The following SLC24A4 variants were observed in gnomAD, a reference collection of about 807,000 sequenced individuals.
SLC24A4 encodes sodium/potassium/calcium exchanger 4.
SLC24A4 carries 53 observed loss-of-function variants against 79.0 expected under a neutral mutation model. The ratio of observed to expected loss-of-function variants is 0.67; its 90% confidence interval spans 0.54 to 0.84. SLC24A4 has a LOEUF of 0.84. Ranked by LOEUF, SLC24A4 falls within the 40% of genes least tolerant of loss-of-function variation. The probability of loss-of-function intolerance (pLI) is 0.00; values close to 1 mark genes in which losing one functional copy is unlikely to be tolerated. For synonymous variants in SLC24A4, 323 were observed against 323.8 expected, an observed-to-expected ratio of 1.00 and a Z score of 0.03; for missense variants, 731 against 822.0, an observed-to-expected ratio of 0.89 and a Z score of 1.35.
At chr14:92,489,510 T>C (rs1295313078) in intron 14 of SLC24A4, among the ~76,000 whole-genome samples, 1 of 152,114 alleles carries the variant, frequency 6.6e-6, no homozygotes, top group Non-Finnish European at 1.5e-5. Context: ...CAGGAGGCTG[T>C]GCAGCACGTG....
intron 2 of SLC24A4, among the ~76,000 whole-genome samples, chr14:92,350,560 G>T (rs1182316530): frequency 1.3e-5 from 2 of 152,146 alleles, no homozygotes; most frequent in Non-Finnish European, 2.9e-5. Context: ...ATCATCTGAG[G>T]GTGGGGATGA....
At chr14:92,487,916 C>A (rs1370072487) in intron 14 of SLC24A4, among the ~76,000 whole-genome samples, 1 of 152,070 alleles carries the variant, frequency 6.6e-6, no homozygotes, top group Non-Finnish European at 1.5e-5. Flanking sequence ...ACTCCAATCT[C>A]TGCCTCTGCC....
chr14:92,408,162 C>T (rs992325327), intron 2 of SLC24A4, among the ~76,000 whole-genome samples: 1 of 85,802 alleles, frequency 1.2e-5, no homozygotes, highest in Non-Finnish European at 2.4e-5. Flanking sequence ...CTTGTTGCTA[C>T]AGCAGTGTGT....
chr14:92,335,917 C>T (rs1045156094), intron 2 of SLC24A4, among the ~76,000 whole-genome samples: 2 of 152,152 alleles, frequency 1.3e-5, no homozygotes, highest in East Asian at 1.9e-4. Context: ...CAGAGAATGC[C>T]CTGTCCACGG....
At chr14:92,378,342 T>G (rs998175779) in intron 2 of SLC24A4, among the ~76,000 whole-genome samples, 1 of 152,188 alleles carries the variant, frequency 6.6e-6, no homozygotes, top group African/African-American at 2.4e-5. Context: ...CCTGCCATAT[T>G]TCATAGACAG....
chr14:92,482,788 T>A lies in SLC24A4; in HGVS notation c.1364T>A (p.Val455Asp), dbSNP rs1895132938. Residue 455 changes from valine (V) to aspartate (D), a missense_variant, in exon 13 of 17, where the codon GTC becomes GAC. By Grantham distance (152) the Val-to-Asp change is radical. Transcript: ENST00000532405. ...CCCCGCTGGGAGAAGTTCTTCATGG[T>A]CACCTTCATCACCGCCACGCTGTGG... ...SKPRWEKFFMVTFITATLWIA... is the reference protein window; with the variant it reads ...SKPRWEKFFMDTFITATLWIA... The A allele has an allele frequency of 1.2e-6, 2 of 1,614,114 alleles. No individual in the cohort carries two copies. The highest frequency in any genetic ancestry group is 4.5e-5 in the East Asian group (2 of 44,876).
chr14:92,451,157 A>T (rs974656089), intron 10 of SLC24A4: 1 of 152,322 alleles, frequency 6.6e-6, no homozygotes, highest in African/African-American at 2.4e-5. Context: ...GATAAGGGCC[A>T]AGGGAGAAAA....
chr14:92,413,286 C>G (rs945336764), intron 2 of SLC24A4, among the ~76,000 whole-genome samples: 8 of 152,198 alleles, frequency 5.3e-5, no homozygotes, highest in African/African-American at 1.4e-4. Flanking sequence ...GGCCTTCCCA[C>G]CTCCCAGAAC....
chr14:92,369,418 A>G (rs1888024800), intron 2 of SLC24A4, among the ~76,000 whole-genome samples: 1 of 152,180 alleles, frequency 6.6e-6, no homozygotes, highest in South Asian at 2.1e-4. Context: ...TCTACAAGAA[A>G]CTGGCCTGGA....
chr14:92,384,562 A>G (rs1345908845), intron 2 of SLC24A4, among the ~76,000 whole-genome samples: 3 of 152,142 alleles, frequency 2.0e-5, no homozygotes. Context: ...CATTCGGTGT[A>G]GGGACAGGTA....
At chr14:92,329,477 C>T (rs570415581) in intron 2 of SLC24A4, among the ~76,000 whole-genome samples, 5 of 152,130 alleles carry the variant, frequency 3.3e-5, no homozygotes, top group Non-Finnish European at 7.4e-5. Flanking sequence ...AGCCTAAGTA[C>T]CAGCCACCAC....
intron 15 of SLC24A4, 125 bp downstream of exon 15, chr14:92,491,902 A>G: frequency 2.6e-6 from 2 of 773,916 alleles, no homozygotes; most frequent in Non-Finnish European, 4.4e-6. Flanking sequence ...CCCATTTTCC[A>G]TGGCGGCTTC....
intron 2 of SLC24A4, among the ~76,000 whole-genome samples, chr14:92,418,687 GT>G (rs1181961346): frequency 6.6e-6 from 1 of 151,948 alleles, no homozygotes; most frequent in East Asian, 1.9e-4. Context: ...GTTTGTTTTT[GT>G]TTTTGATTTG....
intron 10 of SLC24A4, chr14:92,450,567 C>G (rs77519530): frequency 6.6e-6 from 1 of 152,540 alleles, no homozygotes; most frequent in Non-Finnish European, 1.5e-5. Context: ...GTTTCCAGGA[C>G]AACCTCAGAA....
At chr14:92,438,248 G>T (rs533496217) in intron 3 of SLC24A4, among the ~76,000 whole-genome samples, 19 of 152,132 alleles carry the variant, frequency 1.2e-4, no homozygotes, top group Non-Finnish European at 2.6e-4. Flanking sequence ...TTGCTAGAGC[G>T]GCTCGCAGAA....
intron 14 of SLC24A4, among the ~76,000 whole-genome samples, chr14:92,491,085 T>C (rs752541501): frequency 1.2e-4 from 19 of 152,242 alleles, no homozygotes; most frequent in Admixed American, 4.6e-4. Flanking sequence ...CGTTCTGGCA[T>C]GCTGAGCTGA....
intron 2 of SLC24A4, among the ~76,000 whole-genome samples, chr14:92,373,660 CAG>C (rs750233731): frequency 2.0e-4 from 30 of 152,208 alleles, no homozygotes; most frequent in Non-Finnish European, 3.8e-4. Flanking sequence ...ACTCTGAGGA[CAG>C]GGGACGGTGA....
At chr14:92,470,339 C>G (rs12435220) in intron 12 of SLC24A4, among the ~76,000 whole-genome samples, 105,542 of 151,742 alleles carry the variant, frequency 0.7, 38,006 homozygotes, top group Non-Finnish European at 0.79. Context: ...CCATGCAAAT[C>G]TACTCTGCAT....
chr14:92,376,931 AC>A (rs1265291884), intron 2 of SLC24A4, among the ~76,000 whole-genome samples: 2 of 152,174 alleles, frequency 1.3e-5, no homozygotes, highest in South Asian at 2.1e-4. Flanking sequence ...AGGACCAAGA[AC>A]TATCTGGCCC....
Sources: allele counts gnomAD v4.1 joint callset (sites outside exome capture counted in the v4.1 genomes callset), GRCh38; gene constraint gnomAD v4.1.1; transcripts MANE v1.5; gene names NCBI Gene and HGNC (gene_info 2026-07-23, HGNC 2026-07-21).